The following METTL15 variants were observed in gnomAD, a reference collection of about 807,000 sequenced individuals.
The protein encoded by METTL15 is 12S rRNA N(4)-cytidine methyltransferase METTL15.
METTL15 carries 34 observed loss-of-function variants against 38.3 expected under a neutral mutation model. The ratio of observed to expected loss-of-function variants is 0.89; its 90% confidence interval spans 0.68 to 1.18. METTL15 has a LOEUF of 1.18. METTL15 is among the 50% of genes most tolerant of loss of function. The pLI, the probability that METTL15 is intolerant of heterozygous loss-of-function variation, is 0.00. For missense variants in METTL15, 438 were observed against 498.4 expected, an observed-to-expected ratio of 0.88 and a Z score of 1.15; for synonymous variants, 162 against 170.9, an observed-to-expected ratio of 0.95 and a Z score of 0.41.
At chr11:28,493,984 T>C (rs1459835997) in intron 6 of METTL15, among the ~76,000 whole-genome samples, 2 of 152,244 alleles carry the variant, frequency 1.3e-5, no homozygotes, top group African/African-American at 4.8e-5. Context: ...TACACTGGCA[T>C]GATATAGTGG....
chr11:28,135,656 A>G (rs1307145040), intron 3 of METTL15, among the ~76,000 whole-genome samples: 2 of 152,232 alleles, frequency 1.3e-5, no homozygotes, highest in Admixed American at 1.3e-4. Flanking sequence ...AAGGAAAATG[A>G]ATTATTATTG....
intron 6 of METTL15, among the ~76,000 whole-genome samples, chr11:28,475,206 C>T (rs1464164491): frequency 1.3e-5 from 2 of 152,190 alleles, no homozygotes; most frequent in Non-Finnish European, 2.9e-5. Flanking sequence ...GACTGAGTTT[C>T]TCACAGTGAG....
At chr11:28,223,218 C>T (rs1257967181) in intron 4 of METTL15, among the ~76,000 whole-genome samples, 3 of 151,872 alleles carry the variant, frequency 2.0e-5, no homozygotes, top group Non-Finnish European at 4.4e-5. Flanking sequence ...ACAGGATTAA[C>T]AATGGAGGGA....
intron 5 of METTL15, among the ~76,000 whole-genome samples, chr11:28,373,872 C>G (rs1850274403): frequency 6.6e-6 from 1 of 152,076 alleles, no homozygotes; most frequent in Non-Finnish European, 1.5e-5. Context: ...CCAGTTTCAG[C>G]TTTCTACATA....
chr11:28,131,297 A>G (rs1464892394), intron 3 of METTL15, among the ~76,000 whole-genome samples: 2 of 152,142 alleles, frequency 1.3e-5, no homozygotes, highest in Non-Finnish European at 2.9e-5. Context: ...GCAAGGTGGT[A>G]AAGTTTTCTT....
intron 6 of METTL15, among the ~76,000 whole-genome samples, chr11:28,298,616 G>A (rs995481216): frequency 1.3e-5 from 2 of 151,938 alleles, no homozygotes; most frequent in Non-Finnish European, 2.9e-5. Flanking sequence ...GTGTACAATA[G>A]GAACAATTTA....
intron 4 of METTL15, among the ~76,000 whole-genome samples, chr11:28,243,756 T>C (rs1165697902): frequency 6.6e-6 from 1 of 152,186 alleles, no homozygotes; most frequent in Non-Finnish European, 1.5e-5. Context: ...TACATATGTT[T>C]GAGGGAACAT....
rs1465926980 is a variant in METTL15, at chr11:28,215,827, G to A, written c.407+4629G>A. Reference sequence around the variant, plus strand: ...GCAGGAGGATCTCTTGAGCTCAGGAGTTAGGAGACCAGTCCTGGCAACATA... The same window carrying A: ...GCAGGAGGATCTCTTGAGCTCAGGAATTAGGAGACCAGTCCTGGCAACATA... On this transcript the variant is annotated intron_variant, in intron 4 of 6. Coordinates refer to ENST00000407364, the MANE Select transcript of METTL15 (RefSeq NM_001113528.2). Among the ~76,000 whole-genome samples, 6 of 152,266 alleles carry A rather than the reference G, an allele frequency of 3.9e-5. No individual in the cohort carries two copies. The East Asian group carries it at 7.7e-4, about 20-fold the overall frequency.
chr11:28,367,394 T>C (rs2133372372), intron 5 of METTL15, among the ~76,000 whole-genome samples: 2 of 152,206 alleles, frequency 1.3e-5, no homozygotes, highest in East Asian at 3.9e-4. Context: ...GACCCTAGAA[T>C]CTCTAGCCAG....
intron 6 of METTL15, among the ~76,000 whole-genome samples, chr11:28,447,304 C>T (rs990221708): frequency 1.3e-5 from 2 of 152,050 alleles, no homozygotes; most frequent in South Asian, 2.1e-4. Context: ...GTCAAGAGAC[C>T]AGGCATGCAG....
intron 6 of METTL15, among the ~76,000 whole-genome samples, chr11:28,519,905 G>C (rs1015815561): frequency 3.9e-5 from 6 of 152,170 alleles, no homozygotes; most frequent in African/African-American, 1.4e-4. Flanking sequence ...AAGAACCCAA[G>C]CCCCCTGATT....
chr11:28,330,110 T>G (rs1849766159), intron 6 of METTL15, among the ~76,000 whole-genome samples: 1 of 152,174 alleles, frequency 6.6e-6, no homozygotes, highest in Non-Finnish European at 1.5e-5. Context: ...TTGAGAAGGA[T>G]TTTGTTATTA....
At chr11:28,123,964 TAGA>T in intron 3 of METTL15, 1 of 1,007,784 alleles carries the variant, frequency 9.9e-7, no homozygotes, top group East Asian at 3.0e-5. Flanking sequence ...AATAACAACA[TAGA>T]GTTGTATAAG....
At chr11:28,208,077 T>A (rs1162595760) in intron 3 of METTL15, among the ~76,000 whole-genome samples, 1 of 152,160 alleles carries the variant, frequency 6.6e-6, no homozygotes, top group African/African-American at 2.4e-5. Flanking sequence ...GATTCATTAA[T>A]TTTTTGAAGG....
At chr11:28,273,499 A>G (rs995820122) in intron 4 of METTL15, among the ~76,000 whole-genome samples, 10 of 152,104 alleles carry the variant, frequency 6.6e-5, no homozygotes, top group Non-Finnish European at 1.0e-4. Flanking sequence ...TAAATCTACT[A>G]TGGCCAACAA....
chr11:28,275,979 T>C (rs538493457), intron 4 of METTL15, among the ~76,000 whole-genome samples: 6 of 152,036 alleles, frequency 3.9e-5, no homozygotes, highest in Admixed American at 1.3e-4. Context: ...TACACACCTA[T>C]AGCTAACATC....
intron 5 of METTL15, among the ~76,000 whole-genome samples, chr11:28,411,975 G>A (rs1039442889): frequency 2.0e-5 from 3 of 152,038 alleles, no homozygotes; most frequent in African/African-American, 7.2e-5. Context: ...AAGATGGCCA[G>A]CAGGTATGTG....
chr11:28,272,720 TAAAAG>T (rs957689446), intron 4 of METTL15, among the ~76,000 whole-genome samples: 1 of 152,036 alleles, frequency 6.6e-6, no homozygotes, highest in African/African-American at 2.4e-5. Context: ...AGTTTATTAA[TAAAAG>T]AAAAAAGAAT....
chr11:28,412,675 A>G (rs1347234264), intron 5 of METTL15, among the ~76,000 whole-genome samples: 1 of 152,072 alleles, frequency 6.6e-6, no homozygotes, highest in Non-Finnish European at 1.5e-5. Context: ...GATATGTGGA[A>G]TATATTAAAA....
Sources: allele counts gnomAD v4.1 joint callset (sites outside exome capture counted in the v4.1 genomes callset), GRCh38; gene constraint gnomAD v4.1.1; transcripts MANE v1.5; gene names NCBI Gene and HGNC (gene_info 2026-07-23, HGNC 2026-07-21).